Variants in CDH20 observed in about 807,000 individuals in gnomAD.
CDH20 encodes cadherin 20.
A neutral mutation model predicts 74.2 loss-of-function variants in CDH20; 29 were observed. The ratio of observed to expected loss-of-function variants is 0.39; its 90% CI spans 0.29 to 0.53. The LOEUF (loss-of-function observed/expected upper bound fraction) is 0.53. CDH20 is among the 20% of genes least tolerant of loss of function. The pLI is 0.69. For synonymous variants in CDH20, 469 were observed against 405.4 expected (o/e 1.16, Z -1.88); for missense variants, 988 against 1,048.3 (o/e 0.94, Z 0.79).
At chr18:61,414,902 G>A (rs894514153) in intron 1 of CDH20, among the ~76,000 whole-genome samples, 2 of 151,716 alleles carry the variant, frequency 1.3e-5, no homozygotes, top group African/African-American at 2.4e-5. Context: ...TTATTGTTGG[G>A]CAAACATCAC....
intron 11 of CDH20, among the ~76,000 whole-genome samples, chr18:61,550,678 C>T (rs1913402414): frequency 6.6e-6 from 1 of 152,166 alleles, no homozygotes; most frequent in African/African-American, 2.4e-5. Context: ...GAGGCACAGC[C>T]AGGGCTGAAA....
At chr18:61,397,430 G>T (rs1244027332) in intron 1 of CDH20, among the ~76,000 whole-genome samples, 1 of 152,196 alleles carries the variant, frequency 6.6e-6, no homozygotes, top group African/African-American at 2.4e-5. Context: ...GGAGTTTCTT[G>T]AGCATCCAAG....
intron 1 of CDH20, among the ~76,000 whole-genome samples, chr18:61,436,873 C>G (rs928051006): frequency 6.6e-6 from 1 of 152,106 alleles, no homozygotes; most frequent in Non-Finnish European, 1.5e-5. Flanking sequence ...GTTAAAAGTA[C>G]AGCCTGGGAC....
intron 8 of CDH20, among the ~76,000 whole-genome samples, 183 bp downstream of exon 8, chr18:61,536,812 T>G (rs560981754): frequency 2.0e-5 from 3 of 152,328 alleles, no homozygotes; most frequent in Non-Finnish European, 4.4e-5. Flanking sequence ...GCTTGTATAC[T>G]TAGTCCTGTG....
intron 6 of CDH20, among the ~76,000 whole-genome samples, chr18:61,517,434 G>A (rs547857925): frequency 1.1e-4 from 16 of 152,174 alleles, no homozygotes; most frequent in Admixed American, 3.3e-4. Flanking sequence ...AGCCCAGGGA[G>A]GGCAAGCTGA....
chr18:61,335,454 C>T (rs914215869), intron 1 of CDH20, among the ~76,000 whole-genome samples: 4 of 152,132 alleles, frequency 2.6e-5, no homozygotes, highest in Admixed American at 1.3e-4. Flanking sequence ...GAGGTCAAGC[C>T]TCCACGCTGG....
intron 2 of CDH20, among the ~76,000 whole-genome samples, chr18:61,496,423 C>A (rs941581459): frequency 6.6e-6 from 1 of 151,254 alleles, no homozygotes; most frequent in Non-Finnish European, 1.5e-5. Flanking sequence ...CCATACGGAA[C>A]TTTCGCCCTC....
At chr18:61,399,008 G>A (rs1022740059) in intron 1 of CDH20, among the ~76,000 whole-genome samples, 6 of 152,152 alleles carry the variant, frequency 3.9e-5, no homozygotes. Context: ...GGAGCACAGG[G>A]TTGTCATGGG....
chr18:61,553,681 T>C (rs1004573991), intron 11 of CDH20, among the ~76,000 whole-genome samples: 12 of 152,356 alleles, frequency 7.9e-5, no homozygotes, highest in African/African-American at 2.6e-4. Flanking sequence ...TGTGTCTCTA[T>C]GCATATTAAG....
intron 1 of CDH20, among the ~76,000 whole-genome samples, chr18:61,437,177 C>T (rs73447390): frequency 0.015 from 2,355 of 152,232 alleles, 62 homozygotes; most frequent in African/African-American, 0.053. Flanking sequence ...CATTCCATTG[C>T]CACCATCAGC....
At chr18:61,543,105 C>A (rs1169747703) in intron 9 of CDH20, among the ~76,000 whole-genome samples, 1 of 152,140 alleles carries the variant, frequency 6.6e-6, no homozygotes, top group African/African-American at 2.4e-5. Context: ...GGGGAAAAAT[C>A]CTTCATTGAA....
chr18:61,525,221 A>T (rs1243491989), intron 6 of CDH20, among the ~76,000 whole-genome samples: 1 of 152,178 alleles, frequency 6.6e-6, no homozygotes, highest in Non-Finnish European at 1.5e-5. Context: ...ACTTTATACT[A>T]AAAAAGAAAT....
chr18:61,477,442 C>G (rs189753296), intron 1 of CDH20, among the ~76,000 whole-genome samples: 22 of 152,268 alleles, frequency 1.4e-4, no homozygotes, highest in Admixed American at 1.4e-3. Flanking sequence ...ACTTATAAAA[C>G]TGCAAAGTGG....
intron 1 of CDH20, among the ~76,000 whole-genome samples, chr18:61,363,888 C>G (rs1342669166): frequency 6.6e-6 from 1 of 152,028 alleles, no homozygotes; most frequent in Non-Finnish European, 1.5e-5. Flanking sequence ...AGATGATCCT[C>G]CCCCGGGTGA....
At chr18:61,430,655 A>G (rs1239083672) in intron 1 of CDH20, among the ~76,000 whole-genome samples, 2 of 152,206 alleles carry the variant, frequency 1.3e-5, no homozygotes, top group African/African-American at 4.8e-5. Flanking sequence ...TTCAGTATGA[A>G]CTAATGGATA....
intron 1 of CDH20, among the ~76,000 whole-genome samples, chr18:61,341,092 A>G (rs1216026892): frequency 6.6e-6 from 1 of 152,194 alleles, no homozygotes; most frequent in African/African-American, 2.4e-5. Context: ...TGGGTGATAC[A>G]GCCATCTCCG....
At position 61,383,324 on chromosome 18, in the gene CDH20, T is replaced by C. The variant is rs149536922; in HGVS notation, c.-153+49497T>C. Among the ~76,000 whole-genome samples the C allele has an allele frequency of 2.5e-3, 377 of 152,286 alleles. 2 individuals are homozygous for C. The highest frequency in any genetic ancestry group is 8.8e-3 in the African/African-American group (364 of 41,552). ...GGCCAGGCGTGGTGGCTCATGCCTG[T>C]AATCTCAGCACTTTGGGAGGCCAAG... On this transcript the variant is annotated intron_variant, in intron 1 of 11. Coordinates refer to ENST00000262717, the MANE Select transcript of CDH20 (RefSeq NM_031891.4).
chr18:61,507,486 G>A lies in CDH20; in HGVS notation c.943G>A (p.Asp315Asn), dbSNP rs1490876615. Reference protein sequence around the residue: ...INAEMKYTIVDGDGADAFDIS... With the variant: ...INAEMKYTIVNGDGADAFDIS... ...TGCAGAGATGAAATATACTATTGTGGATGGAGATGGTGCAGATGCCTTTGA... is the reference window on the plus strand; with the variant it reads ...TGCAGAGATGAAATATACTATTGTGAATGGAGATGGTGCAGATGCCTTTGA... The change falls in exon 6 of 12, where the codon GAT (aspartate) becomes AAT (asparagine). Residue 315 changes from aspartate (D) to asparagine (N), a missense_variant. Around this residue, in one of 2 missense-constraint regions of CDH20, gnomAD observed 613 missense variants for 755.2 expected, o/e 0.81. Transcript: ENST00000262717. 3 of 1,614,032 alleles carry A rather than the reference G, an allele frequency of 1.9e-6. No individual in the cohort carries two copies. In the East Asian group the frequency reaches 6.7e-5, roughly 36 times the overall value.
intron 2 of CDH20, among the ~76,000 whole-genome samples, chr18:61,491,323 C>A (rs1599121535): frequency 2.0e-5 from 3 of 152,244 alleles, no homozygotes; most frequent in Admixed American, 6.5e-5. Context: ...TATTTGAATT[C>A]TCTTGATTTA....
Sources: gnomAD v4.1 joint callset for allele counts (sites outside exome capture counted in the v4.1 genomes callset) on GRCh38, gnomAD v4.1.1 for gene constraint, gnomAD v4.1.1 regional missense constraint, MANE v1.5 for transcripts, NCBI Gene and HGNC (gene_info 2026-07-23, HGNC 2026-07-21) for gene names.